Variants in MACROD2 observed in about 807,000 individuals in gnomAD.
MACROD2 encodes the protein ADP-ribose glycohydrolase MACROD2.
In MACROD2, 36 loss-of-function variants were observed where a neutral mutation model predicts 70.4. The ratio of observed to expected loss-of-function variants is 0.51; its 90% CI spans 0.39 to 0.68. The LOEUF (loss-of-function observed/expected upper bound fraction) is 0.68. Ranked by LOEUF, MACROD2 falls within the 30% of genes least tolerant of loss-of-function variation. The probability of loss-of-function intolerance (pLI) is 0.00; values close to 1 mark genes in which losing one functional copy is unlikely to be tolerated. For missense variants in MACROD2, 496 were observed against 538.4 expected (o/e 0.92, Z 0.78); for synonymous variants, 172 against 178.8 (o/e 0.96, Z 0.30).
chr20:14,454,113 T>A (rs2084273616), intron 3 of MACROD2, among the ~76,000 whole-genome samples: 1 of 152,020 alleles, frequency 6.6e-6, no homozygotes, highest in Non-Finnish European at 1.5e-5. Flanking sequence ...TTTCTGGTAA[T>A]CTGCTGGACA....
intron 8 of MACROD2, among the ~76,000 whole-genome samples, chr20:15,836,953 C>T (rs2147124920): frequency 6.6e-6 from 1 of 152,246 alleles, no homozygotes; most frequent in South Asian, 2.1e-4. Flanking sequence ...AAGGAATGGG[C>T]CTTTGGATGT....
At chr20:14,812,937 C>T (rs1174887149) in intron 5 of MACROD2, among the ~76,000 whole-genome samples, 5 of 152,040 alleles carry the variant, frequency 3.3e-5, no homozygotes, top group African/African-American at 1.2e-4. Flanking sequence ...GATGTGCTGG[C>T]TATGGATCTA....
intron 2 of MACROD2, among the ~76,000 whole-genome samples, chr20:14,041,075 T>G (rs1269942232): frequency 6.6e-6 from 1 of 152,226 alleles, no homozygotes; most frequent in African/African-American, 2.4e-5. Context: ...TTTCCTGATT[T>G]GTCACTAAAT....
chr20:14,469,749 G>T (rs527821127), intron 3 of MACROD2, among the ~76,000 whole-genome samples: 31 of 151,882 alleles, frequency 2.0e-4, no homozygotes, highest in Admixed American at 1.2e-3. Flanking sequence ...GCTTCACGAA[G>T]TTCTCGTGCT....
chr20:14,884,798 C>T (rs1030888426), intron 5 of MACROD2, among the ~76,000 whole-genome samples: 13 of 152,128 alleles, frequency 8.5e-5, no homozygotes, highest in Non-Finnish European at 1.5e-4. Flanking sequence ...TTAAAACAAT[C>T]TGTTCTCTCT....
intron 6 of MACROD2, among the ~76,000 whole-genome samples, chr20:15,365,517 C>T (rs141312655): frequency 5.3e-5 from 8 of 152,010 alleles, no homozygotes; most frequent in African/African-American, 1.9e-4. Flanking sequence ...GAAAATTAGC[C>T]GGGCATGGTG....
At chr20:14,101,793 C>T (rs185743138) in intron 3 of MACROD2, among the ~76,000 whole-genome samples, 1 of 150,990 alleles carries the variant, frequency 6.6e-6, no homozygotes, top group East Asian at 1.9e-4. Context: ...AAAAAAAAAA[C>T]GTGAGACAAC....
At chr20:14,930,403 T>C (rs947011407) in intron 5 of MACROD2, among the ~76,000 whole-genome samples, 4 of 152,138 alleles carry the variant, frequency 2.6e-5, no homozygotes, top group African/African-American at 9.7e-5. Context: ...TTAAAACATG[T>C]ATATTAACTG....
chr20:15,911,598 A>C (rs1485116878), intron 10 of MACROD2, among the ~76,000 whole-genome samples: 1 of 152,200 alleles, frequency 6.6e-6, no homozygotes, highest in African/African-American at 2.4e-5. Context: ...AAGGATAGGC[A>C]AGAAGCACTG....
chr20:14,902,957 T>C (rs1184172071), intron 5 of MACROD2, among the ~76,000 whole-genome samples: 2 of 151,918 alleles, frequency 1.3e-5, no homozygotes, highest in African/African-American at 4.8e-5. Flanking sequence ...GGTCACTTTT[T>C]TGCTCTTCTG....
At chr20:15,396,673 G>A (rs551760496) in intron 6 of MACROD2, among the ~76,000 whole-genome samples, 9 of 152,124 alleles carry the variant, frequency 5.9e-5, no homozygotes, top group African/African-American at 1.4e-4. Context: ...GTTTTTGTTT[G>A]TTTGTTTTGG....
chr20:15,571,854 A>C (rs1324557527), intron 8 of MACROD2, among the ~76,000 whole-genome samples: 1 of 152,166 alleles, frequency 6.6e-6, no homozygotes, highest in Non-Finnish European at 1.5e-5. Context: ...AAAAATAAAC[A>C]TGTCATTAAG....
intron 5 of MACROD2, among the ~76,000 whole-genome samples, chr20:14,716,159 C>A (rs1332295949): frequency 6.6e-6 from 1 of 152,168 alleles, no homozygotes; most frequent in Non-Finnish European, 1.5e-5. Context: ...GAGCCATGCT[C>A]TTTTGGAATT....
rs375145104 is a variant in MACROD2, at chr20:15,336,722, G to A, written c.541-94683G>A. 4.6e-5 allele frequency among the ~76,000 whole-genome samples: 7 copies of A among 151,778 alleles called. No homozygotes were observed. The South Asian group carries it at 6.2e-4, about 13-fold the overall frequency. ...GTGGCCTGCGGGGACAGTTGTCAGC[G>A]TGGCATCTTTCTTCCAGTGTGCCCC... is the stretch of plus-strand genomic sequence containing the variant. On this transcript the variant is annotated intron_variant, in intron 6 of 17. Coordinates refer to ENST00000684519, the MANE Select transcript of MACROD2 (RefSeq NM_001351661.2).
At chr20:15,278,941 T>C (rs1276616849) in intron 6 of MACROD2, among the ~76,000 whole-genome samples, 1 of 152,214 alleles carries the variant, frequency 6.6e-6, no homozygotes, top group Non-Finnish European at 1.5e-5. Context: ...GTGAAATGGA[T>C]GCCTCGCGTG....
intron 3 of MACROD2, among the ~76,000 whole-genome samples, chr20:14,165,716 GTCT>G (rs1191781639): frequency 6.6e-6 from 1 of 152,194 alleles, no homozygotes; most frequent in Non-Finnish European, 1.5e-5. Context: ...ATTTATGTTT[GTCT>G]TCTTAGTGCC....
chr20:14,234,282 T>C (rs990161967), intron 3 of MACROD2, among the ~76,000 whole-genome samples: 1 of 152,222 alleles, frequency 6.6e-6, no homozygotes, highest in African/African-American at 2.4e-5. Context: ...CCATGTATTC[T>C]ATTGATTGTT....
intron 5 of MACROD2, among the ~76,000 whole-genome samples, chr20:14,983,381 G>A (rs1297510815): frequency 6.6e-6 from 1 of 151,332 alleles, no homozygotes; most frequent in African/African-American, 2.4e-5. Context: ...TGAAATGTGA[G>A]GACATGAGAA....
intron 3 of MACROD2, among the ~76,000 whole-genome samples, chr20:14,466,866 A>C (rs893012427): frequency 2.8e-4 from 42 of 152,022 alleles, no homozygotes; most frequent in African/African-American, 9.9e-4. Context: ...GTGAACCACA[A>C]ATGCTGCTGC....
Sources: gnomAD v4.1 joint callset for allele counts (sites outside exome capture counted in the v4.1 genomes callset) on GRCh38, gnomAD v4.1.1 for gene constraint, MANE v1.5 for transcripts, NCBI Gene and HGNC (gene_info 2026-07-23, HGNC 2026-07-21) for gene names.